EXOC4: variants seen among roughly 807,000 people sequenced by gnomAD.
The protein encoded by EXOC4 is exocyst complex component 4.
Under a neutral mutation model 107.2 loss-of-function variants are expected in EXOC4, and 71 were observed. That is an observed-to-expected ratio of 0.66 (90% CI 0.55 to 0.81). The LOEUF (loss-of-function observed/expected upper bound fraction) is 0.81. Among genes scored for constraint, EXOC4 ranks in the 30% least tolerant of loss-of-function variants. EXOC4 has a pLI of 0.00. For synonymous variants in EXOC4, 456 were observed against 441.2 expected, an observed-to-expected ratio of 1.03 and a Z score of -0.42; for missense variants, 1,108 against 1,189.6, an observed-to-expected ratio of 0.93 and a Z score of 1.01.
chr7:133,946,779 G>A (rs970675727), intron 14 of EXOC4, among the ~76,000 whole-genome samples: 3 of 152,190 alleles, frequency 2.0e-5, no homozygotes, highest in South Asian at 4.1e-4. Flanking sequence ...ACTGACCCCA[G>A]TGGGGTTCCC....
At chr7:134,077,481 C>T in the EXOC4 span, among the ~76,000 whole-genome samples, 1 of 152,196 alleles carries the variant, frequency 6.6e-6, no homozygotes, top group Non-Finnish European at 1.5e-5. Flanking sequence ...GTCAAGTTGA[C>T]ATATAAAACT....
At chr7:133,673,896 A>G (rs1031502395) in intron 10 of EXOC4, among the ~76,000 whole-genome samples, 1 of 152,246 alleles carries the variant, frequency 6.6e-6, no homozygotes, top group Non-Finnish European at 1.5e-5. Context: ...AAGAACATGC[A>G]TCCTCATTCC....
intron 12 of EXOC4, among the ~76,000 whole-genome samples, chr7:133,899,077 C>A (rs1445942724): frequency 6.6e-6 from 1 of 150,430 alleles, no homozygotes; most frequent in African/African-American, 2.4e-5. Context: ...TATGTTGAAC[C>A]TCCATTAAAT....
intron 17 of EXOC4, among the ~76,000 whole-genome samples, chr7:134,013,250 G>A (rs370736257): frequency 3.3e-5 from 5 of 152,248 alleles, no homozygotes; most frequent in African/African-American, 1.2e-4. Flanking sequence ...ATGTGCCCTT[G>A]ACATGATGTG....
chr7:133,479,318 G>A (rs1255242799), intron 8 of EXOC4: 2 of 151,864 alleles, frequency 1.3e-5, no homozygotes, highest in Non-Finnish European at 2.9e-5. Flanking sequence ...ATTATTTTAG[G>A]TTTTAGAAAC....
At chr7:133,428,310 AAGG>A (rs1797774012) in intron 7 of EXOC4, among the ~76,000 whole-genome samples, 1 of 152,192 alleles carries the variant, frequency 6.6e-6, no homozygotes, top group African/African-American at 2.4e-5. Flanking sequence ...ACTGAGCGTT[AAGG>A]AGTTCTTTCT....
At chr7:133,566,469 G>A (rs575935033) in intron 9 of EXOC4, among the ~76,000 whole-genome samples, 1 of 152,272 alleles carries the variant, frequency 6.6e-6, no homozygotes, top group South Asian at 2.1e-4. Flanking sequence ...GACTAAAATA[G>A]GATTAGGATT....
At chr7:133,729,312 T>A (rs1329177634) in intron 10 of EXOC4, among the ~76,000 whole-genome samples, 2 of 152,264 alleles carry the variant, frequency 1.3e-5, no homozygotes, top group African/African-American at 4.8e-5. Flanking sequence ...TTTTTAAAAA[T>A]GTTATTTTTT....
intron 10 of EXOC4, among the ~76,000 whole-genome samples, chr7:133,660,562 A>G (rs1184626410): frequency 6.6e-6 from 1 of 152,190 alleles, no homozygotes; most frequent in African/African-American, 2.4e-5. Context: ...GCCATGGAAA[A>G]GAATTTATTC....
At position 133,911,614 on chromosome 7, in the gene EXOC4, G is replaced by C. The variant is rs184767775; in HGVS notation, c.1872-5969G>C. On this transcript the variant is annotated intron_variant, in intron 12 of 17. Coordinates refer to ENST00000253861, the MANE Select transcript of EXOC4 (RefSeq NM_021807.4). ...AATCCAGTCCTTTAAAAATATGTAA[G>C]TAAATAATGTGGGTACCTTTAATGT... Among the ~76,000 whole-genome samples the C allele has an allele frequency of 9.1e-4, 138 of 152,248 alleles. 3 individuals carry two copies. Among genetic ancestry groups the C allele is most frequent in the Admixed American group, 8.2e-3 (126 of 15,292 alleles).
chr7:133,319,137 C>T (rs1334314669), intron 5 of EXOC4, among the ~76,000 whole-genome samples: 1 of 151,978 alleles, frequency 6.6e-6, no homozygotes, highest in Non-Finnish European at 1.5e-5. Context: ...TAAATGTTGC[C>T]AAGTCAGTGG....
downstream of EXOC4, among the ~76,000 whole-genome samples, chr7:134,070,435 A>G (rs11765630): frequency 1.3e-5 from 2 of 152,080 alleles, no homozygotes; most frequent in South Asian, 2.1e-4. Context: ...TCCTATTCCA[A>G]CTGGACTGGG....
chr7:133,941,691 T>A (rs1429604402), intron 14 of EXOC4, among the ~76,000 whole-genome samples: 1 of 152,138 alleles, frequency 6.6e-6, no homozygotes, highest in Non-Finnish European at 1.5e-5. Flanking sequence ...ATTCTTTCAG[T>A]TGAAAGTCAC....
rs139726341 is a variant in EXOC4 at position 133,506,058 on chromosome 7, G to A, written c.1417+25920G>A. ...AGAGTTTTTTAAAAATGAGAGATACGCTGGAAAAATACTTTGAAAAATATT... is the reference window on the plus strand; with the variant it reads ...AGAGTTTTTTAAAAATGAGAGATACACTGGAAAAATACTTTGAAAAATATT... On this transcript the variant is annotated intron_variant, in intron 9 of 17. Transcript: ENST00000253861. Among the ~76,000 whole-genome samples the A allele has an allele frequency of 2.5e-3, 374 of 152,178 alleles. 5 individuals are homozygous for A. Among genetic ancestry groups the A allele is most frequent in the African/African-American group, 8.4e-3 (348 of 41,542 alleles).
chr7:133,631,439 C>T (rs1426943049), intron 10 of EXOC4, among the ~76,000 whole-genome samples: 1 of 151,988 alleles, frequency 6.6e-6, no homozygotes, highest in Non-Finnish European at 1.5e-5. Flanking sequence ...TCTTATATAG[C>T]TAACCAGTGT....
At chr7:133,316,570 A>G (rs189837847) in intron 4 of EXOC4, among the ~76,000 whole-genome samples, 13 of 152,278 alleles carry the variant, frequency 8.5e-5, no homozygotes, top group Admixed American at 8.5e-4. Flanking sequence ...TTTGTTTTTT[A>G]TAGTTTTCAT....
intron 3 of EXOC4, among the ~76,000 whole-genome samples, chr7:133,297,636 A>G (rs1321863587): frequency 6.6e-6 from 1 of 152,204 alleles, no homozygotes; most frequent in Admixed American, 6.5e-5. Flanking sequence ...ATGAGAATAA[A>G]AGTGAAATAT....
At chr7:134,067,356 T>G (rs960721573), downstream of EXOC4, among the ~76,000 whole-genome samples, 1 of 152,004 alleles carries the variant, frequency 6.6e-6, no homozygotes, top group African/African-American at 2.4e-5. Flanking sequence ...AACATGACCA[T>G]GAAGAAGGAA....
chr7:133,730,060 G>T (rs1795294471), intron 10 of EXOC4, among the ~76,000 whole-genome samples: 1 of 150,730 alleles, frequency 6.6e-6, no homozygotes, highest in South Asian at 2.1e-4. Context: ...AATAAAAGAT[G>T]CAGGCTTTTG....
Sources: allele counts gnomAD v4.1 joint callset (sites outside exome capture counted in the v4.1 genomes callset), GRCh38; gene constraint gnomAD v4.1.1; transcripts MANE v1.5; gene names NCBI Gene and HGNC (gene_info 2026-07-23, HGNC 2026-07-21).